Variants in SORCS3 observed in about 807,000 individuals in gnomAD.
The protein encoded by SORCS3 is VPS10 domain-containing receptor SorCS3.
SORCS3 carries 57 observed loss-of-function variants against 146.3 expected under a neutral mutation model. The ratio of observed to expected loss-of-function variants is 0.39; its 90% CI spans 0.31 to 0.49. The LOEUF is 0.49. Among genes scored for constraint, SORCS3 ranks in the 20% least tolerant of loss-of-function variants. The probability of loss-of-function intolerance (pLI) is 0.92; values close to 1 mark genes in which losing one functional copy is unlikely to be tolerated. For synonymous variants in SORCS3, 653 were observed against 618.5 expected, an observed-to-expected ratio of 1.06 and a Z score of -0.83; for missense variants, 1,341 against 1,575.5, an observed-to-expected ratio of 0.85 and a Z score of 2.52.
intron 1 of SORCS3, among the ~76,000 whole-genome samples, chr10:104,813,603 C>T (rs947160125): frequency 5.9e-5 from 9 of 152,160 alleles, no homozygotes; most frequent in Admixed American, 5.9e-4. Context: ...CAGGGTGGCT[C>T]TCTGCTCTAC....
chr10:104,676,435 T>C (rs1181833074), intron 1 of SORCS3, among the ~76,000 whole-genome samples: 1 of 152,150 alleles, frequency 6.6e-6, no homozygotes, highest in African/African-American at 2.4e-5. Flanking sequence ...AAGGAAAAGC[T>C]AATATGTAGA....
At chr10:104,668,188 A>G (rs906406103) in intron 1 of SORCS3, among the ~76,000 whole-genome samples, 2 of 152,142 alleles carry the variant, frequency 1.3e-5, no homozygotes, top group Non-Finnish European at 2.9e-5. Flanking sequence ...TGCACGCGCA[A>G]TAGTAAACCA....
chr10:104,766,362 G>C (rs79883993), intron 1 of SORCS3, among the ~76,000 whole-genome samples: 1 of 152,144 alleles, frequency 6.6e-6, no homozygotes, highest in African/African-American at 2.4e-5. Flanking sequence ...TCACTCCCAC[G>C]TGTGGGGTTG....
Position 105,256,711 on chromosome 10 carries a change from C to A in SORCS3, c.3338-108C>A, listed in dbSNP as rs2056933565. On this transcript the variant is annotated intron_variant, in intron 24 of 26. Transcript: ENST00000369701. ...TCAGGCAGGGGAATTGGAGACTAGA[C>A]ATAAGGATGGAGATCAGTGGCCTCC... 7.7e-6 allele frequency: 6 copies of A among 779,436 alleles called. No individual in the cohort carries two copies. In the Admixed American group the frequency reaches 9.0e-5, roughly 12 times the overall value. The allele number at this position is 779,436 out of a possible 1,614,324, so 48.3% of individuals were successfully genotyped here.
At chr10:105,000,241 A>G (rs948831317) in intron 4 of SORCS3, among the ~76,000 whole-genome samples, 4 of 152,098 alleles carry the variant, frequency 2.6e-5, no homozygotes, top group African/African-American at 9.7e-5. Flanking sequence ...TGCTAAGTGT[A>G]TTACTCTGCT....
At chr10:105,236,398 C>T (rs1425794676) in intron 20 of SORCS3, among the ~76,000 whole-genome samples, 4 of 152,024 alleles carry the variant, frequency 2.6e-5, no homozygotes, top group Non-Finnish European at 5.9e-5. Flanking sequence ...AGCAGATATA[C>T]ATAGTGAAGG....
intron 20 of SORCS3, among the ~76,000 whole-genome samples, chr10:105,242,534 A>T (rs1207348685): frequency 6.7e-5 from 6 of 89,316 alleles, no homozygotes; most frequent in African/African-American, 2.3e-4. Context: ...ATATATATTT[A>T]TATATATTTA....
chr10:104,867,220 AGGGG>A, intron 2 of SORCS3, among the ~76,000 whole-genome samples: 1 of 132,212 alleles, frequency 7.6e-6, no homozygotes, highest in East Asian at 2.3e-4. Flanking sequence ...AGAGGAGAGG[AGGGG>A]GTGCTTTTTT....
chr10:105,187,422 C>T (rs2056485199), intron 14 of SORCS3, among the ~76,000 whole-genome samples: 1 of 152,118 alleles, frequency 6.6e-6, no homozygotes. Flanking sequence ...ACCACTAATC[C>T]CATCTACATC....
chr10:104,999,028 A>G (rs1028037892), intron 4 of SORCS3, among the ~76,000 whole-genome samples: 2 of 152,168 alleles, frequency 1.3e-5, no homozygotes, highest in Non-Finnish European at 2.9e-5. Context: ...CAGCAGTGCC[A>G]GTGTCACTTG....
At chr10:105,097,416 C>T (rs1447363831) in intron 6 of SORCS3, among the ~76,000 whole-genome samples, 1 of 152,146 alleles carries the variant, frequency 6.6e-6, no homozygotes, top group African/African-American at 2.4e-5. Flanking sequence ...CTGAATGTCC[C>T]TGCACATGCT....
At chr10:105,050,224 GA>G (rs1456271654) in intron 5 of SORCS3, among the ~76,000 whole-genome samples, 1 of 152,072 alleles carries the variant, frequency 6.6e-6, no homozygotes, top group Non-Finnish European at 1.5e-5. Context: ...CTGCCTTCTG[GA>G]AATCCTGCCA....
intron 14 of SORCS3, among the ~76,000 whole-genome samples, chr10:105,182,998 C>T (rs1173922866): frequency 6.6e-6 from 1 of 152,136 alleles, no homozygotes; most frequent in Admixed American, 6.5e-5. Context: ...TGCCAGTGCG[C>T]CTGGCCAGTA....
intron 1 of SORCS3, among the ~76,000 whole-genome samples, chr10:104,684,312 T>A (rs2016016048): frequency 6.6e-6 from 1 of 152,256 alleles, no homozygotes; most frequent in Admixed American, 6.5e-5. Flanking sequence ...GCTGTTATCA[T>A]TCTGTAAGCA....
chr10:104,851,573 G>T (rs552939798), intron 2 of SORCS3, among the ~76,000 whole-genome samples: 6 of 152,138 alleles, frequency 3.9e-5, no homozygotes, highest in Non-Finnish European at 8.8e-5. Context: ...GCATTTCCTT[G>T]CTCTCTAAGG....
intron 14 of SORCS3, among the ~76,000 whole-genome samples, chr10:105,178,849 CAG>C (rs1376657899): frequency 1.3e-5 from 2 of 152,152 alleles, no homozygotes; most frequent in Non-Finnish European, 2.9e-5. Context: ...CTTCACTGGA[CAG>C]AGTGGAGTCT....
intron 2 of SORCS3, among the ~76,000 whole-genome samples, chr10:104,851,269 C>T (rs1033105735): frequency 2.0e-5 from 3 of 152,242 alleles, no homozygotes; most frequent in East Asian, 1.9e-4. Context: ...AGGACTGCAG[C>T]GTGCATAAAT....
chr10:104,997,574 A>G (rs916550562), intron 4 of SORCS3, among the ~76,000 whole-genome samples: 1 of 152,196 alleles, frequency 6.6e-6, no homozygotes, highest in Non-Finnish European at 1.5e-5. Flanking sequence ...AAGAAGGTAC[A>G]TCAGGGATTG....
chr10:104,655,563 G>A (rs539661138), intron 1 of SORCS3, among the ~76,000 whole-genome samples: 1 of 152,234 alleles, frequency 6.6e-6, no homozygotes, highest in South Asian at 2.1e-4. Flanking sequence ...CACAGCAATA[G>A]CCAATTAATA....
Sources: allele counts gnomAD v4.1 joint callset (sites outside exome capture counted in the v4.1 genomes callset), GRCh38; gene constraint gnomAD v4.1.1; transcripts MANE v1.5; gene names NCBI Gene and HGNC (gene_info 2026-07-23, HGNC 2026-07-21).